MYH16: variants seen among roughly 807,000 people sequenced by gnomAD.
MYH16 encodes the protein putative uncharacterized protein MYH16.
At chr7:99,285,566 G>A in intron 27 of MYH16, 128 bp downstream of exon 9, 2 of 403,012 alleles carry the variant, frequency 5.0e-6, no homozygotes, top group South Asian at 1.9e-5. Flanking sequence ...AAGTCTAGTT[G>A]CTTCTGGAGC....
chr7:99,287,551 A>T (rs1040390309), intron 28 of MYH16, among the ~76,000 whole-genome samples: 1 of 151,254 alleles, frequency 6.6e-6, no homozygotes. Flanking sequence ...AAAAAAAAAA[A>T]AAAAGGCATC....
chr7:99,292,050 G>A (rs368842743), intron 31 of MYH16, among the ~76,000 whole-genome samples: 3 of 152,152 alleles, frequency 2.0e-5, no homozygotes, highest in African/African-American at 7.2e-5. Context: ...ATTTGATATC[G>A]TAGCAAGTAA....
intron 1 of MYH16, among the ~76,000 whole-genome samples, chr7:99,239,310 C>T (rs976012852): frequency 1.3e-5 from 2 of 152,206 alleles, no homozygotes; most frequent in Non-Finnish European, 2.9e-5. Flanking sequence ...AAGGGATGAT[C>T]GTGAGAGTTA....
At chr7:99,242,557 G>A (rs1285941634) in intron 1 of MYH16, among the ~76,000 whole-genome samples, 1 of 152,178 alleles carries the variant, frequency 6.6e-6, no homozygotes, top group Non-Finnish European at 1.5e-5. Context: ...AGGATGGCTT[G>A]AGCCCAAGAG....
At chr7:99,260,315 G>T in exon 12 of MYH16, 1 of 1,389,952 alleles carries the variant, frequency 7.2e-7, no homozygotes, top group Admixed American at 1.7e-5. Context: ...CTTCAGGCCT[G>T]CATCGACCTG....
chr7:99,271,030 T>G (rs1584346715), exon 19 of MYH16: 1 of 152,648 alleles, frequency 6.6e-6, no homozygotes, highest in Non-Finnish European at 1.5e-5. Flanking sequence ...ATCATGACGA[T>G]GCTGCAGTGT....
chr7:99,251,105 G>C (rs1385660252), exon 6 of MYH16: 2 of 216,260 alleles, frequency 9.2e-6, no homozygotes, highest in African/African-American at 4.6e-5. Flanking sequence ...GGTCTCTGGA[G>C]GATCAAGTCA....
intron 39 of MYH16, among the ~76,000 whole-genome samples, chr7:99,303,484 C>A (rs540171680): frequency 6.6e-6 from 1 of 152,370 alleles, no homozygotes; most frequent in South Asian, 2.1e-4. Context: ...ATCTGGGCAG[C>A]CTTTTTGGCA....
intron 37 of MYH16, among the ~76,000 whole-genome samples, chr7:99,300,607 G>C (rs993294487): frequency 1.3e-5 from 2 of 152,176 alleles, no homozygotes; most frequent in Non-Finnish European, 2.9e-5. Context: ...TTGAGTTCGT[G>C]ACTGGCCTGG....
chr7:99,241,619 A>G (rs1455371686), intron 1 of MYH16, among the ~76,000 whole-genome samples: 2 of 151,902 alleles, frequency 1.3e-5, no homozygotes, highest in Non-Finnish European at 2.9e-5. Context: ...CAAACAAAAA[A>G]CAGCTTGGTT....
At chr7:99,240,508 T>C (rs1791654894) in intron 1 of MYH16, among the ~76,000 whole-genome samples, 1 of 152,040 alleles carries the variant, frequency 6.6e-6, no homozygotes, top group African/African-American at 2.4e-5. Flanking sequence ...TGTTCAGCAA[T>C]AAATATATTA....
At chr7:99,296,596 A>G (rs1792497064) in intron 33 of MYH16, 105 bp from the exon 15 acceptor site, 1 of 412,782 alleles carries the variant, frequency 2.4e-6, no homozygotes, top group South Asian at 1.7e-5. Flanking sequence ...CGTAGTCTCA[A>G]GAGTTACTGG....
chr7:99,299,730 G>C (rs536524680), intron 37 of MYH16, 72 bp downstream of exon 18: 1 of 152,656 alleles, frequency 6.6e-6, no homozygotes, highest in South Asian at 2.1e-4. Context: ...GGCCTAAAGG[G>C]GGCTAACTCA....
At chr7:99,253,425 C>T (rs1006034793) in intron 7 of MYH16, 2 of 152,054 alleles carry the variant, frequency 1.3e-5, no homozygotes, top group African/African-American at 4.8e-5. Context: ...CGCAGCAAGA[C>T]CCTGTCTCTA....
At chr7:99,305,090 G>A (rs1425481736) in intron 40 of MYH16, among the ~76,000 whole-genome samples, 2 of 152,090 alleles carry the variant, frequency 1.3e-5, no homozygotes, top group Non-Finnish European at 2.9e-5. Context: ...TCAGGAGGCT[G>A]AGTTGGGAGG....
At chr7:99,291,149 G>A (rs949387815) in intron 30 of MYH16, among the ~76,000 whole-genome samples, 174 bp from the exon 12 acceptor site, 3 of 152,170 alleles carry the variant, frequency 2.0e-5, no homozygotes, top group African/African-American at 7.2e-5. Context: ...CCTTTCTCCT[G>A]GGTTCACTTA....
In MYH16 at chr7:99,247,493, C is replaced by T. The variant is rs117467365; in HGVS notation, n.355-101C>T. 1,291 of 152,742 alleles carry T rather than the reference C, an allele frequency of 8.5e-3. 6 individuals are homozygous for T. The highest frequency in any genetic ancestry group is 0.021 in the Middle Eastern group (7 of 326). The allele number at this position is 152,742 out of a possible 1,614,324, so 9.5% of individuals were successfully genotyped here. A position where few individuals can be genotyped will look rare whatever the true frequency, so the allele number is the denominator to read the frequency against. On this transcript the variant is annotated intron_variant and non_coding_transcript_variant, in intron 2 of 41. Coordinates refer to ENST00000439784, the Ensembl canonical transcript of MYH16. Reference sequence around the variant, plus strand: ...CCTGGCAGAAAGCTTGCCTTCTTCACAGCTTGCTCTATGATAAGCTGGGGC... The same window carrying T: ...CCTGGCAGAAAGCTTGCCTTCTTCATAGCTTGCTCTATGATAAGCTGGGGC...
At chr7:99,272,558 A>T (rs1330600783) in intron 19 of MYH16, among the ~76,000 whole-genome samples, 1 of 151,778 alleles carries the variant, frequency 6.6e-6, no homozygotes, top group East Asian at 1.9e-4. Flanking sequence ...GCAACAGGAG[A>T]TAGGGAGACC....
intron 31 of MYH16, among the ~76,000 whole-genome samples, chr7:99,291,914 G>A (rs1792386295): frequency 6.6e-6 from 1 of 152,132 alleles, no homozygotes; most frequent in African/African-American, 2.4e-5. Context: ...TTGCACTCCA[G>A]CCTGGGTGAC....
Sources: gnomAD v4.1 joint callset for allele counts (sites outside exome capture counted in the v4.1 genomes callset) on GRCh38, gnomAD v4.1.1 for gene constraint, MANE v1.5 for transcripts, NCBI Gene and HGNC (gene_info 2026-07-23, HGNC 2026-07-21) for gene names.